The following SLA variants were observed in gnomAD, a reference collection of about 807,000 sequenced individuals.
The protein encoded by SLA is Src like adaptor.
A neutral mutation model predicts 30.3 loss-of-function variants in SLA; 16 were observed. The ratio of observed to expected loss-of-function variants is 0.53; its 90% confidence interval spans 0.36 to 0.80. The LOEUF is 0.80. Among genes scored for constraint, SLA ranks in the 30% least tolerant of loss-of-function variants. The pLI, the probability that SLA is intolerant of heterozygous loss-of-function variation, is 0.01. For synonymous variants in SLA, 143 were observed against 137.8 expected, an observed-to-expected ratio of 1.04 and a Z score of -0.26; for missense variants, 310 against 345.2, an observed-to-expected ratio of 0.90 and a Z score of 0.81.
intron 2 of SLA, among the ~76,000 whole-genome samples, chr8:133,063,232 C>G (rs937794478): frequency 1.3e-5 from 2 of 152,156 alleles, no homozygotes; most frequent in Middle Eastern, 3.4e-3. Context: ...ACCCCGCCCC[C>G]ATAAGTTCCA....
intron 8 of SLA, among the ~76,000 whole-genome samples, chr8:133,039,286 G>A (rs1837711190): frequency 6.6e-6 from 1 of 152,210 alleles, no homozygotes; most frequent in South Asian, 2.1e-4. Context: ...TGGGCTGTGT[G>A]ATCTTGGACA....
At chr8:133,071,674 C>A (rs1339552586) in intron 2 of SLA, among the ~76,000 whole-genome samples, 3 of 151,962 alleles carry the variant, frequency 2.0e-5, no homozygotes, top group Non-Finnish European at 4.4e-5. Flanking sequence ...GGCGCACCTG[C>A]AAACTGGAGG....
intron 2 of SLA, among the ~76,000 whole-genome samples, chr8:133,064,408 G>A (rs568485775): frequency 6.6e-6 from 1 of 152,354 alleles, no homozygotes; most frequent in South Asian, 2.1e-4. Flanking sequence ...GCAATCTGCA[G>A]ATATTGTTGT....
At chr8:133,075,451 AG>A (rs1844721785) in intron 1 of SLA, among the ~76,000 whole-genome samples, 1 of 152,234 alleles carries the variant, frequency 6.6e-6, no homozygotes, top group African/African-American at 2.4e-5. Context: ...GTGTGCGTCA[AG>A]GGAAAAAAAC....
intron 3 of SLA, among the ~76,000 whole-genome samples, chr8:133,054,338 G>T (rs949572765): frequency 2.0e-5 from 3 of 152,136 alleles, no homozygotes; most frequent in Admixed American, 2.0e-4. Flanking sequence ...AACCCAGAGA[G>T]AATTTTCGGG....
chr8:133,040,181 A>G lies in SLA; in HGVS notation c.485-51T>C, dbSNP rs780737229. On this transcript the variant is annotated intron_variant, in intron 7 of 8. Coordinates refer to ENST00000338087, the MANE Select transcript of SLA (RefSeq NM_001045556.3). ...CAGGGACCCTGGGGACGCCTCAGCC[A>G]GTGTGGGGTTCAGGCCTGAGACACT... The G allele has an allele frequency of 1.2e-5, 19 of 1,552,812 alleles. No homozygotes were observed. The South Asian group carries it at 1.4e-4, about 12-fold the overall frequency.
intron 3 of SLA, among the ~76,000 whole-genome samples, chr8:133,058,351 G>T (rs28731206): frequency 2.0e-4 from 31 of 152,302 alleles, no homozygotes; most frequent in African/African-American, 6.5e-4. Context: ...GGGGTGGGGA[G>T]ACCCCTCTCT....
At position 133,084,898 on chromosome 8, in the gene SLA, G is replaced by A. The variant is rs184456180; in HGVS notation, c.-318-9768C>T. Among the ~76,000 whole-genome samples the A allele has an allele frequency of 1.6e-4, 25 of 152,386 alleles. No homozygotes were observed. In the East Asian group the frequency reaches 3.3e-3, roughly 20 times the overall value. Reference sequence around the variant, plus strand: ...GCAGATTCTGTTTGGCACATAGAGGGTGGGTAGTGTCATGGCTTTGGAGAA... The same window carrying A: ...GCAGATTCTGTTTGGCACATAGAGGATGGGTAGTGTCATGGCTTTGGAGAA... On this transcript the variant is annotated intron_variant, in intron 1 of 8. Coordinates refer to ENST00000338087, the MANE Select transcript of SLA (RefSeq NM_001045556.3).
intron 7 of SLA, 193 bp from the exon 8 acceptor site, chr8:133,040,323 G>A (rs1837980935): frequency 1.1e-5 from 7 of 619,440 alleles, no homozygotes; most frequent in African/African-American, 3.7e-5. Flanking sequence ...AAATGTAAGC[G>A]TGCCCTGGTA....
chr8:133,088,209 T>C (rs1846917859), intron 1 of SLA, among the ~76,000 whole-genome samples: 1 of 152,210 alleles, frequency 6.6e-6, no homozygotes, highest in African/African-American at 2.4e-5. Flanking sequence ...TGGTGTGTTT[T>C]TGAGCCCTAT....
intron 2 of SLA, among the ~76,000 whole-genome samples, chr8:133,060,848 G>A (rs1227707639): frequency 6.6e-6 from 1 of 152,220 alleles, no homozygotes; most frequent in Non-Finnish European, 1.5e-5. Flanking sequence ...GAAGGGGTAA[G>A]TGACTTGTAT....
At chr8:133,051,263 CTAA>C in intron 3 of SLA, among the ~76,000 whole-genome samples, 1 of 152,300 alleles carries the variant, frequency 6.6e-6, no homozygotes, top group South Asian at 2.1e-4. Context: ...TAAAATGGGA[CTAA>C]TACTACCTCA....
At position 133,041,070 on chromosome 8, in the gene SLA, A is replaced by G. The variant is rs575047774; in HGVS notation, c.485-940T>C. Among the ~76,000 whole-genome samples the G allele has an allele frequency of 1.1e-4, 16 of 152,308 alleles. No individual in the cohort carries two copies. In the South Asian group the frequency reaches 2.5e-3, roughly 24 times the overall value. On this transcript the variant is annotated intron_variant, in intron 7 of 8. Coordinates refer to ENST00000338087, the MANE Select transcript of SLA (RefSeq NM_001045556.3). ...AGACTTGATTCTGCTGTACTCAGCC[A>G]TCTTAGAGATTGAGGAAATTCTGCA...
chr8:133,098,889 G>A (rs1848835872), intron 1 of SLA, among the ~76,000 whole-genome samples: 1 of 152,134 alleles, frequency 6.6e-6, no homozygotes, highest in Admixed American at 6.5e-5. Context: ...GGGCTTCCCT[G>A]GTTCAAGCAC....
At chr8:133,048,675 T>C (rs1256603224) in intron 5 of SLA, 1 of 158,682 alleles carries the variant, frequency 6.3e-6, no homozygotes, top group African/African-American at 2.4e-5. Flanking sequence ...CATTGATGCA[T>C]GCTTGCTAGT....
In SLA at chr8:133,038,000, A is replaced by C. The variant is rs113746683; in HGVS notation, c.*524T>G. On this transcript the variant is annotated 3_prime_UTR_variant, in exon 9 of 9. Transcript: ENST00000338087. ...TGTTTAGTGTCACGAAGTTCCTTTAAAAAGAGAGGAAAGCATACCAGAAGT... is the reference window on the plus strand; with the variant it reads ...TGTTTAGTGTCACGAAGTTCCTTTACAAAGAGAGGAAAGCATACCAGAAGT... The C allele has an allele frequency of 1.3e-5, 2 of 155,454 alleles. No homozygotes were observed. Among genetic ancestry groups the C allele is most frequent in the African/African-American group, 4.8e-5 (2 of 41,448 alleles). 9.6% of individuals were successfully genotyped at this position (155,454 alleles called of 1,614,324 possible).
chr8:133,041,787 T>G (rs572431299), intron 7 of SLA, among the ~76,000 whole-genome samples: 1,189 of 106,570 alleles, frequency 0.011, 18 homozygotes, highest in African/African-American at 0.033. Flanking sequence ...GTGGTCAGTT[T>G]TTTTTTTTTT....
At chr8:133,059,842 A>T (rs1318584280) in intron 3 of SLA, among the ~76,000 whole-genome samples, 3 of 152,174 alleles carry the variant, frequency 2.0e-5, no homozygotes, top group African/African-American at 7.2e-5. Context: ...AAATAAAGTG[A>T]TTAAACCAGC....
Position 133,039,953 on chromosome 8 carries a change from G to GCACACACA in SLA, c.617+37_617+44dup, listed in dbSNP as rs3835182. 1.6e-3 allele frequency: 2,281 copies of GCACACACA among 1,433,902 alleles called. 24 individuals are homozygous for GCACACACA. The African/African-American group carries it at 0.028, about 17-fold the overall frequency. The allele number at this position is 1,433,902 out of a possible 1,614,324, so 88.8% of individuals were successfully genotyped here. A position where few individuals can be genotyped will look rare whatever the true frequency, so the allele number is the denominator to read the frequency against. Reference sequence around the variant, plus strand: ...TCACATGTTCACAGAGCACTTGCATGCACACACACACACACACACACACAC... The same window carrying GCACACACA: ...TCACATGTTCACAGAGCACTTGCATGCACACACACACACACACACACACACACACACAC... On this transcript the variant is annotated intron_variant, in intron 8 of 8. Coordinates refer to ENST00000338087, the MANE Select transcript of SLA (RefSeq NM_001045556.3).
Sources: gnomAD v4.1 joint callset for allele counts (sites outside exome capture counted in the v4.1 genomes callset) on GRCh38, gnomAD v4.1.1 for gene constraint, MANE v1.5 for transcripts, NCBI Gene and HGNC (gene_info 2026-07-23, HGNC 2026-07-21) for gene names.